The following TRPC6 variants were observed in gnomAD, a reference collection of about 807,000 sequenced individuals.
TRPC6 encodes the protein transient receptor potential cation channel subfamily C member 6.
TRPC6 carries 55 observed loss-of-function variants against 90.7 expected under a neutral mutation model. That is an observed-to-expected ratio of 0.61 (90% CI 0.49 to 0.76). The LOEUF is 0.76. Ranked by LOEUF, TRPC6 falls within the 30% of genes least tolerant of loss-of-function variation. TRPC6 has a pLI of 0.00. For synonymous variants in TRPC6, 393 were observed against 393.0 expected, an observed-to-expected ratio of 1.00 and a Z score of 0.00; for missense variants, 989 against 1,122.7, an observed-to-expected ratio of 0.88 and a Z score of 1.70.
chr11:101,493,951 A>G (rs962392506), intron 2 of TRPC6, among the ~76,000 whole-genome samples: 1 of 152,214 alleles, frequency 6.6e-6, no homozygotes, highest in Non-Finnish European at 1.5e-5. Context: ...AGAGGCTACA[A>G]TTTGCTAAAC....
Position 101,455,022 on chromosome 11 carries a change from T to C in TRPC6, c.2564A>G (p.Tyr855Cys), listed in dbSNP as rs1344278763. Residue 855 changes from tyrosine (Y) to cysteine (C), a missense_variant, in exon 11 of 13, where the codon TAT (tyrosine) becomes TGT (cysteine). Coordinates refer to ENST00000344327, the MANE Select transcript of TRPC6 (RefSeq NM_004621.6). ...CCTTTAAAAATCCATGCTTACCTGATATTGTCTTGGAGGATTATTGAAACT... is the reference window on the plus strand; with the variant it reads ...CCTTTAAAAATCCATGCTTACCTGACATTGTCTTGGAGGATTATTGAAACT... Reference protein sequence around the residue: ...LNSFNNPPRQYQKIMKRLIKR... With the variant: ...LNSFNNPPRQCQKIMKRLIKR... The C allele has an allele frequency of 1.1e-5, 18 of 1,610,742 alleles. No homozygotes were observed. Among genetic ancestry groups the C allele is most frequent in the Non-Finnish European group, 1.5e-5 (18 of 1,177,538 alleles).
At chr11:101,548,347 A>C (rs1025652822) in intron 1 of TRPC6, among the ~76,000 whole-genome samples, 1 of 104,472 alleles carries the variant, frequency 9.6e-6, no homozygotes, top group Non-Finnish European at 2.0e-5. Flanking sequence ...TACAATATAT[A>C]ATTATATAAT....
chr11:101,558,469 ACAC>A lies in TRPC6; in HGVS notation c.170+24862_170+24864del, dbSNP rs1861640182. On this transcript the variant is annotated intron_variant, in intron 1 of 12. Transcript: ENST00000344327. ...TATACACACGCACACATACACACAC[ACAC>A]ACACACACACACACACACACACACA... is the stretch of plus-strand genomic sequence containing the variant. Among the ~76,000 whole-genome samples the A allele has an allele frequency of 3.5e-5, 2 of 57,346 alleles. 1 individual carries two copies. The highest frequency in any genetic ancestry group is 1.2e-4 in the African/African-American group (2 of 16,968). The allele number at this position is 57,346 out of a possible 152,430, so 37.6% of individuals were successfully genotyped here.
Position 101,453,483 on chromosome 11 carries a change from C to T in TRPC6, c.2644+167G>A, listed in dbSNP as rs187777658. Among the ~76,000 whole-genome samples, 6 of 152,228 alleles carry T rather than the reference C, an allele frequency of 3.9e-5. No individual in the cohort carries two copies. The East Asian group carries it at 1.2e-3, about 30-fold the overall frequency. ...CCTGTCCCCGCCTGTGGAGACATAG[C>T]CTGTTCCCCACTCTTTAACAGAACG... On this transcript the variant is annotated intron_variant, in intron 12 of 12. Transcript: ENST00000344327.
At chr11:101,511,491 C>T (rs770062663) in intron 1 of TRPC6, among the ~76,000 whole-genome samples, 11 of 152,032 alleles carry the variant, frequency 7.2e-5, no homozygotes, top group African/African-American at 1.5e-4. Context: ...TGACTGCAAA[C>T]GACTACAATG....
intron 1 of TRPC6, among the ~76,000 whole-genome samples, chr11:101,531,434 C>T (rs1009276105): frequency 2.0e-5 from 3 of 152,222 alleles, no homozygotes; most frequent in African/African-American, 7.2e-5. Context: ...CTTGCAAATG[C>T]ATTGCCTTTT....
intron 1 of TRPC6, among the ~76,000 whole-genome samples, chr11:101,564,322 A>G (rs1411823517): frequency 1.3e-5 from 2 of 152,224 alleles, no homozygotes; most frequent in East Asian, 3.8e-4. Flanking sequence ...ACAATCATAT[A>G]CATAGCAATT....
intron 1 of TRPC6, among the ~76,000 whole-genome samples, chr11:101,562,117 T>C (rs12364903): frequency 0.024 from 3,627 of 152,016 alleles, 162 homozygotes; most frequent in African/African-American, 0.083. Context: ...CTACCTTTGA[T>C]TGGGGATGGT....
chr11:101,504,057 C>T lies in TRPC6; in HGVS notation c.912G>A (p.Leu304=). The change falls in exon 2 of 13, where the codon CTG becomes CTA. Residue 304 remains leucine (L), a synonymous_variant. Coordinates refer to ENST00000344327, the MANE Select transcript of TRPC6 (RefSeq NM_004621.6). ...VMTALELSNE[L]AVLANIEKEF... is the part of the protein sequence containing the mutation. ...CTTTCTCAATATTGGCCAGAACTGC[C>T]AGTTCATTGCTAAGTTCTAAAGCCG... The T allele has an allele frequency of 1.2e-6, 2 of 1,614,074 alleles. No homozygotes were observed.
chr11:101,532,877 G>A (rs1419264368), intron 1 of TRPC6, among the ~76,000 whole-genome samples: 2 of 152,094 alleles, frequency 1.3e-5, no homozygotes, highest in Non-Finnish European at 1.5e-5. Context: ...GAGACTATGC[G>A]GCAGCCTCAG....
intron 6 of TRPC6, among the ~76,000 whole-genome samples, chr11:101,475,507 C>T (rs1310299449): frequency 6.6e-6 from 1 of 152,020 alleles, no homozygotes; most frequent in Admixed American, 6.6e-5. Context: ...TACTGTATAT[C>T]TCCCTTATTA....
At chr11:101,473,806 G>A (rs928042315) in intron 6 of TRPC6, 33 bp from the exon 7 acceptor site, 2 of 1,612,326 alleles carry the variant, frequency 1.2e-6, no homozygotes, top group Admixed American at 1.7e-5. Context: ...AGTTGTGTGA[G>A]TTTCTTCAAG....
rs201590536 is a variant in TRPC6, at chr11:101,452,028, T to C, written c.*927A>G. 3 of 152,206 alleles carry C rather than the reference T, an allele frequency of 2.0e-5. No homozygotes were observed. The highest frequency in any genetic ancestry group is 4.4e-5 in the Non-Finnish European group (3 of 68,038). The allele number at this position is 152,206 out of a possible 1,614,324, so 9.4% of individuals were successfully genotyped here. A position where few individuals can be genotyped will look rare whatever the true frequency, so the allele number is the denominator to read the frequency against. On this transcript the variant is annotated 3_prime_UTR_variant, in exon 13 of 13. Transcript: ENST00000344327. ...TATTTACAAATTCTCACCTTATTTT[T>C]CCCCTTTACATTCAATGGCTAAGTG...
intron 1 of TRPC6, among the ~76,000 whole-genome samples, chr11:101,553,542 A>T (rs1279707483): frequency 6.6e-6 from 1 of 152,072 alleles, no homozygotes; most frequent in African/African-American, 2.4e-5. Flanking sequence ...AAAGCAAGTA[A>T]TGTTAGTCCC....
At chr11:101,480,421 T>A (rs2136686237) in intron 5 of TRPC6, among the ~76,000 whole-genome samples, 1 of 152,254 alleles carries the variant, frequency 6.6e-6, no homozygotes, top group South Asian at 2.1e-4. Context: ...CCTTCTGATG[T>A]GCAGTAATCA....
intron 1 of TRPC6, among the ~76,000 whole-genome samples, chr11:101,563,086 A>G (rs112219192): frequency 2.0e-5 from 3 of 152,236 alleles, no homozygotes; most frequent in African/African-American, 7.2e-5. Context: ...ATTTAAATTC[A>G]TTAAAATTAA....
chr11:101,570,572 A>G (rs1203225079), intron 1 of TRPC6, among the ~76,000 whole-genome samples: 1 of 152,198 alleles, frequency 6.6e-6, no homozygotes, highest in Non-Finnish European at 1.5e-5. Flanking sequence ...TACAACAAAA[A>G]AGAAAATTTC....
chr11:101,482,474 T>C lies in TRPC6; in HGVS notation c.1510+475A>G, dbSNP rs575903912. Among the ~76,000 whole-genome samples the C allele has an allele frequency of 5.3e-5, 8 of 152,332 alleles. No homozygotes were observed. In the South Asian group the frequency reaches 1.7e-3, roughly 32 times the overall value. On this transcript the variant is annotated intron_variant, in intron 5 of 12. Coordinates refer to ENST00000344327, the MANE Select transcript of TRPC6 (RefSeq NM_004621.6). ...ATAAAATAGATGTGATTATACATTA[T>C]AGACTAGAAAACTGAGGTGCAAAGA...
intron 1 of TRPC6, among the ~76,000 whole-genome samples, chr11:101,557,865 G>GAAGA (rs1196613416): frequency 1.3e-5 from 2 of 152,028 alleles, no homozygotes; most frequent in Admixed American, 1.3e-4. Context: ...ACAAATTGAG[G>GAAGA]AAGATACAAA....
Sources: gnomAD v4.1 joint callset for allele counts (sites outside exome capture counted in the v4.1 genomes callset) on GRCh38, gnomAD v4.1.1 for gene constraint, MANE v1.5 for transcripts, NCBI Gene and HGNC (gene_info 2026-07-23, HGNC 2026-07-21) for gene names.